Variants in FBN3 observed in about 807,000 individuals in gnomAD.
FBN3 encodes fibrillin 3.
A neutral mutation model predicts 330.1 loss-of-function variants in FBN3; 234 were observed. The ratio of observed to expected loss-of-function variants is 0.71; its 90% confidence interval spans 0.64 to 0.79. FBN3 has a LOEUF of 0.79. Ranked by LOEUF, FBN3 falls within the 30% of genes least tolerant of loss-of-function variation. The pLI is 0.00. For synonymous variants in FBN3, 1,458 were observed against 1,517.3 expected (o/e 0.96, Z 0.91); for missense variants, 3,606 against 3,886.9 (o/e 0.93, Z 1.92).
Position 8,136,028 on chromosome 19 carries a change from T to C in FBN3, c.1524A>G (p.Thr508=). The change falls in exon 13 of 64, where the codon ACA becomes ACG. Residue 508 remains threonine, a synonymous_variant. Transcript: ENST00000600128. The part of the protein sequence containing the change: ...GLCHLGRCVN[T]EGSFQCVCNA... ...TGCAGACACACTGGAAGCTGCCCTCTGTGTTGACACAGCGGCCCAGGTGAC... is the reference window on the plus strand; with the variant it reads ...TGCAGACACACTGGAAGCTGCCCTCCGTGTTGACACAGCGGCCCAGGTGAC... The C allele has an allele frequency of 1.3e-6, 2 of 1,529,200 alleles. No individual in the cohort carries two copies. Among genetic ancestry groups the C allele is most frequent in the Non-Finnish European group, 1.8e-6 (2 of 1,128,810 alleles). The allele number at this position is 1,529,200 out of a possible 1,614,324, so 94.7% of individuals were successfully genotyped here. A position where few individuals can be genotyped will look rare whatever the true frequency, so the allele number is the denominator to read the frequency against.
At chr19:8,138,637 T>G in intron 8 of FBN3, 73 bp from the exon 9 acceptor site, 2 of 1,452,090 alleles carry the variant, frequency 1.4e-6, no homozygotes, top group Non-Finnish European at 1.9e-6. Flanking sequence ...ATTCCAGCTG[T>G]AGCAGCACTG....
Position 8,081,474 on chromosome 19 carries a change from T to A in FBN3, c.7220A>T (p.Asp2407Val), listed in dbSNP as rs2081782936. 2 of 1,603,548 alleles carry A rather than the reference T, an allele frequency of 1.2e-6. No homozygotes were observed. The highest frequency in any genetic ancestry group is 1.7e-6 in the Non-Finnish European group (2 of 1,175,662). The part of the protein sequence containing the change: ...DATATTCLDM[D>V]ECSQVPKPCT... ...TGGCTTGGGGACCTGGCTGCACTCA[T>A]CCATATCTGGGGAAGGACAGCGTGG... Residue 2407 changes from aspartate (D) to valine (V), a missense_variant, in exon 58 of 64, where the codon GAT becomes GTT. Physicochemically the swap from Asp to Val is radical, Grantham distance 152. Coordinates refer to ENST00000600128, the MANE Select transcript of FBN3 (RefSeq NM_032447.5).
rs142752628 is a variant in FBN3, at chr19:8,147,345, G to A, written c.136C>T (p.Arg46Trp). 13,978 of 1,600,696 alleles carry A rather than the reference G, an allele frequency of 8.7e-3. 84 individuals are homozygous for A. The highest frequency in any genetic ancestry group is 0.019 in the Middle Eastern group (115 of 6,028). Residue 46 changes from arginine to tryptophan, a missense_variant, in exon 2 of 64, where the codon CGG (arginine) becomes TGG (tryptophan). Coordinates refer to ENST00000600128, the MANE Select transcript of FBN3 (RefSeq NM_032447.5). ...AAGATGCCTGGGCTGCCCCGCCTCCGCACACGTCCAGGACCTGCAGCCTCC... is the reference window on the plus strand; with the variant it reads ...AAGATGCCTGGGCTGCCCCGCCTCCACACACGTCCAGGACCTGCAGCCTCC... ...ALEAAGPGRV[R>W]RRGSPGILQG...
chr19:8,115,534 C>T lies in FBN3; in HGVS notation c.3819G>A (p.Lys1273=). 6.2e-7 allele frequency: 1 copy of T among 1,614,042 alleles called. No homozygotes were observed. The highest frequency in any genetic ancestry group is 8.5e-7 in the Non-Finnish European group (1 of 1,180,026). ...GCTCACCAGAGCAGCCTGTGGCCCC[C>T]TTCCTGACCATGTAGCCCAGCTGAC... is the stretch of plus-strand genomic sequence containing the variant. ...CHCQLGYMVR[K]GATGCSDVDE... Residue 1273 remains lysine, a synonymous_variant, in exon 30 of 64, where the codon AAG becomes AAA. Transcript: ENST00000600128.
intron 63 of FBN3, among the ~76,000 whole-genome samples, chr19:8,066,633 C>A (rs2081397156): frequency 1.3e-5 from 2 of 152,138 alleles, no homozygotes; most frequent in African/African-American, 2.4e-5. Context: ...GTAATCCCAG[C>A]ACTTTGGGAG....
In FBN3 at chr19:8,085,395, G is replaced by T; in HGVS notation, c.7055C>A (p.Pro2352His). ...PGTSAYRKLC[P>H]HGSGYTAEGR... The stretch of plus-strand genomic sequence containing the variant: ...CTCAGCAGTGTAGCCTGAGCCATGG[G>T]GGCACAGCTTCCTGTAGGCAGAGGT... The change falls in exon 56 of 64, where the codon CCC (proline) becomes CAC (histidine). Residue 2352 changes from proline (P) to histidine (H), a missense_variant. Physicochemically the swap from Pro to His is moderately conservative, Grantham distance 77. Coordinates refer to ENST00000600128, the MANE Select transcript of FBN3 (RefSeq NM_032447.5). The T allele has an allele frequency of 6.3e-7, 1 of 1,580,570 alleles. No homozygotes were observed. The highest frequency in any genetic ancestry group is 8.6e-7 in the Non-Finnish European group (1 of 1,166,080).
rs1326446494 is a variant in FBN3 at position 8,131,877 on chromosome 19, C to CCT, written c.1715-50_1715-49dup. 2.0e-6 allele frequency: 3 copies of CCT among 1,482,786 alleles called. No homozygotes were observed. The highest frequency in any genetic ancestry group is 2.7e-6 in the Non-Finnish European group (3 of 1,114,808). 91.9% of individuals were successfully genotyped at this position (1,482,786 alleles called of 1,614,324 possible). ...GGGATGGGTTCCAGCGTGCTCCCTT[C>CCT]CTCTCTCCCCTCCCCATCTCCCAAC... On this transcript the variant is annotated intron_variant, in intron 14 of 63. Coordinates refer to ENST00000600128, the MANE Select transcript of FBN3 (RefSeq NM_032447.5). The surrounding 1 kb of genome is among the most constrained non-coding windows in gnomAD (Gnocchi z 4.5).
chr19:8,092,460 C>T (rs1039099151), intron 47 of FBN3, among the ~76,000 whole-genome samples: 2 of 151,960 alleles, frequency 1.3e-5, no homozygotes, highest in African/African-American at 4.8e-5. Context: ...CACCTGTAAT[C>T]CCAGCACTTT....
chr19:8,138,919 C>T (rs1018011056), intron 8 of FBN3, among the ~76,000 whole-genome samples: 2 of 152,130 alleles, frequency 1.3e-5, no homozygotes, highest in African/African-American at 4.8e-5. Context: ...TGGTGGCAGG[C>T]ACTTGTAATC....
rs1402792025 is a variant in FBN3, at chr19:8,096,769, C to T, written c.5413+112G>A. On this transcript the variant is annotated intron_variant, in intron 43 of 63. Transcript: ENST00000600128. The surrounding 1 kb of genome is among the most constrained non-coding windows in gnomAD (Gnocchi z 4.6). ...ACAGACACTCTCAATACATCCCCCA[C>T]CCCCCTAATAGTATAGAAAAGGAGA... is the stretch of plus-strand genomic sequence containing the variant. 3.0e-6 allele frequency: 4 copies of T among 1,352,078 alleles called. No homozygotes were observed. Among genetic ancestry groups the T allele is most frequent in the South Asian group, 2.6e-5 (2 of 75,988 alleles). The allele number at this position is 1,352,078 out of a possible 1,614,324, so 83.8% of individuals were successfully genotyped here. A position where few individuals can be genotyped will look rare whatever the true frequency, so the allele number is the denominator to read the frequency against.
intron 6 of FBN3, among the ~76,000 whole-genome samples, chr19:8,144,483 C>A (rs1031366389): frequency 6.6e-6 from 1 of 151,974 alleles, no homozygotes; most frequent in Non-Finnish European, 1.5e-5. Flanking sequence ...GCTGAGGGGT[C>A]CCCTCCTCCA....
chr19:8,114,962 G>A (rs1437731943), intron 30 of FBN3, among the ~76,000 whole-genome samples: 4 of 152,160 alleles, frequency 2.6e-5, no homozygotes, highest in South Asian at 2.1e-4. Context: ...TCTGCCTCCC[G>A]GGTTCAAATG....
At chr19:8,132,737 C>A (rs1420932908) in intron 14 of FBN3, among the ~76,000 whole-genome samples, 1 of 152,182 alleles carries the variant, frequency 6.6e-6, no homozygotes, top group South Asian at 2.1e-4. Flanking sequence ...AATGATCCAT[C>A]TGCCTCGGCC....
chr19:8,114,127 G>A (rs1025970682), intron 30 of FBN3, among the ~76,000 whole-genome samples: 1 of 152,118 alleles, frequency 6.6e-6, no homozygotes, highest in African/African-American at 2.4e-5. Flanking sequence ...ACAGCAAGGA[G>A]GCATGGAACA....
intron 26 of FBN3, 89 bp downstream of exon 26, chr19:8,118,808 C>T: frequency 2.7e-6 from 4 of 1,503,900 alleles, no homozygotes; most frequent in Non-Finnish European, 3.6e-6. Context: ...CCCACCCTCT[C>T]ACTCATCCAG....
At chr19:8,132,206 C>T (rs549243783) in intron 14 of FBN3, among the ~76,000 whole-genome samples, 15 of 151,966 alleles carry the variant, frequency 9.9e-5, no homozygotes, top group East Asian at 3.9e-4. Flanking sequence ...TCTCCATGTT[C>T]GGCTAATTTT....
intron 63 of FBN3, 71 bp from the exon 64 acceptor site, chr19:8,066,331 G>A (rs911130954): frequency 1.7e-5 from 20 of 1,148,946 alleles, no homozygotes; most frequent in Non-Finnish European, 1.7e-5. Flanking sequence ...GGGGGTCCTC[G>A]GATTGTGGCC....
Position 8,147,098 on chromosome 19 carries a change from A to G in FBN3, c.250+6T>C. On this transcript the variant is annotated splice_donor_region_variant and intron_variant, in intron 3 of 63. Coordinates refer to ENST00000600128, the MANE Select transcript of FBN3 (RefSeq NM_032447.5). ...CCCCCCACCTCCAGACGGCGGTAGC[A>G]CTCACGTACGACACACTGGCTCCTG... The G allele has an allele frequency of 6.4e-7, 1 of 1,555,368 alleles. No homozygotes were observed. Among genetic ancestry groups the G allele is most frequent in the Non-Finnish European group, 8.7e-7 (1 of 1,152,908 alleles).
intron 41 of FBN3, among the ~76,000 whole-genome samples, chr19:8,100,486 C>T (rs764727396): frequency 1.3e-5 from 2 of 151,912 alleles, no homozygotes; most frequent in East Asian, 1.9e-4. Flanking sequence ...TACAGGCATG[C>T]ACCACCATGC....
Sources: gnomAD v4.1 joint callset for allele counts (sites outside exome capture counted in the v4.1 genomes callset) on GRCh38, gnomAD v4.1.1 for gene constraint, Gnocchi (gnomAD v3.1) non-coding constraint, MANE v1.5 for transcripts, NCBI Gene and HGNC (gene_info 2026-07-23, HGNC 2026-07-21) for gene names.